The following TAF12 variants were observed in gnomAD, a reference collection of about 807,000 sequenced individuals.
TAF12 encodes the protein TATA-box binding protein associated factor 12, also known as transcription initiation factor TFIID subunit 12.
In TAF12, 3 loss-of-function variants were observed where a neutral mutation model predicts 20.8. That is an observed-to-expected ratio of 0.14 (90% CI 0.07 to 0.37). The LOEUF (loss-of-function observed/expected upper bound fraction) is 0.37. Among genes scored for constraint, TAF12 ranks in the 10% least tolerant of loss-of-function variants. The pLI, the probability that TAF12 is intolerant of heterozygous loss-of-function variation, is 1.00. For missense variants in TAF12, 131 were observed against 197.9 expected, an observed-to-expected ratio of 0.66 and a Z score of 2.03; for synonymous variants, 69 against 70.2, an observed-to-expected ratio of 0.98 and a Z score of 0.09.
chr1:28,640,371 G>C (rs1667991656), intron 1 of TAF12, among the ~76,000 whole-genome samples: 1 of 152,136 alleles, frequency 6.6e-6, no homozygotes, highest in Non-Finnish European at 1.5e-5. Flanking sequence ...TATATGTTTT[G>C]TATAACGATT....
At chr1:28,631,178 T>A (rs567041582) in intron 1 of TAF12, among the ~76,000 whole-genome samples, 177 of 148,052 alleles carry the variant, frequency 1.2e-3, no homozygotes, top group African/African-American at 4.0e-3. Flanking sequence ...GAGGAAAAAA[T>A]TTTTTTTTTC....
intron 1 of TAF12, chr1:28,623,817 A>T: frequency 4.1e-6 from 1 of 244,034 alleles, no homozygotes. Flanking sequence ...CAGAGACCCT[A>T]GTCTGGAGCA....
chr1:28,628,897 A>AC, intron 1 of TAF12, among the ~76,000 whole-genome samples: 1 of 152,052 alleles, frequency 6.6e-6, no homozygotes, highest in African/African-American at 2.4e-5. Flanking sequence ...ACATGGAGAA[A>AC]CCCCCTCTCT....
intron 3 of TAF12, among the ~76,000 whole-genome samples, chr1:28,614,529 C>T (rs1336522320): frequency 6.6e-6 from 1 of 151,224 alleles, no homozygotes; most frequent in Non-Finnish European, 1.5e-5. Flanking sequence ...ACTAAAAATA[C>T]AAAATTAGCT....
intron 1 of TAF12, among the ~76,000 whole-genome samples, chr1:28,640,603 G>A (rs1667999162): frequency 6.6e-6 from 1 of 152,264 alleles, no homozygotes; most frequent in East Asian, 1.9e-4. Flanking sequence ...GCTGTGCCTC[G>A]TTAGTCTGAG....
intron 1 of TAF12, among the ~76,000 whole-genome samples, chr1:28,623,394 G>A (rs1667283814): frequency 6.6e-6 from 1 of 151,904 alleles, no homozygotes; most frequent in South Asian, 2.1e-4. Context: ...GGTGACACAC[G>A]CCTGTAATCC....
intron 1 of TAF12, among the ~76,000 whole-genome samples, chr1:28,635,342 GTCGCCCAGGCTACA>G (rs1557473448): frequency 8.7e-6 from 1 of 114,408 alleles, no homozygotes; most frequent in African/African-American, 3.4e-5. Context: ...ACAGTGCAGT[GTCGCCCAGGCTACA>G]GTGCAGTGGC....
chr1:28,622,341 G>A (rs906029666), intron 1 of TAF12, among the ~76,000 whole-genome samples, 176 bp from the exon 2 acceptor site: 2 of 137,790 alleles, frequency 1.5e-5, no homozygotes, highest in Admixed American at 7.7e-5. Context: ...GCAACATAGC[G>A]AGACCTAGTC....
At chr1:28,627,391 G>GAAAAAA (rs771889346) in intron 1 of TAF12, among the ~76,000 whole-genome samples, 11 of 63,650 alleles carry the variant, frequency 1.7e-4, no homozygotes, top group East Asian at 1.1e-3. Flanking sequence ...CCGTCTCAAA[G>GAAAAAA]AAAAAAAAAA....
intron 3 of TAF12, among the ~76,000 whole-genome samples, chr1:28,615,774 T>C (rs1332822212): frequency 6.7e-6 from 1 of 149,178 alleles, no homozygotes; most frequent in Admixed American, 6.7e-5. Flanking sequence ...TATTGAATGA[T>C]TCCAGAGAAA....
chr1:28,613,140 T>G, intron 4 of TAF12, 107 bp downstream of exon 4: 1 of 769,850 alleles, frequency 1.3e-6, no homozygotes, highest in Non-Finnish European at 2.0e-6. Context: ...TAAATCCCAG[T>G]GCCCAAAAGT....
At position 28,603,331 on chromosome 1, in the gene TAF12, G is replaced by T. The variant is rs185580700; in HGVS notation, c.*208C>A. 2.2e-5 allele frequency: 12 copies of T among 555,724 alleles called. No individual in the cohort carries two copies. The highest frequency in any genetic ancestry group is 1.9e-4 in the African/African-American group (10 of 53,288). The allele number at this position is 555,724 out of a possible 1,614,324, so 34.4% of individuals were successfully genotyped here. A position where few individuals can be genotyped will look rare whatever the true frequency, so the allele number is the denominator to read the frequency against. On this transcript the variant is annotated 3_prime_UTR_variant, in exon 6 of 6. Transcript: ENST00000373824. The stretch of plus-strand genomic sequence containing the variant: ...AAGATACATTGCTCCTCTTTGAGAT[G>T]GCAGGGAAAAGGGACCGGAAGTTGG...
At chr1:28,623,036 C>CAAA (rs530309386) in intron 1 of TAF12, among the ~76,000 whole-genome samples, 1 of 130,928 alleles carries the variant, frequency 7.6e-6, no homozygotes, top group Non-Finnish European at 1.7e-5. Flanking sequence ...CACCGCCCCA[C>CAAA]AAAAAAAAAA....
chr1:28,607,632 A>C (rs1666711830), intron 4 of TAF12, among the ~76,000 whole-genome samples: 1 of 152,064 alleles, frequency 6.6e-6, no homozygotes, highest in Non-Finnish European at 1.5e-5. Context: ...AGACGGCACC[A>C]CTGCACTCTA....
At position 28,622,130 on chromosome 1, in the gene TAF12, T is replaced by C. The variant is rs984140205; in HGVS notation, c.-49A>G. On this transcript the variant is annotated 5_prime_UTR_variant, in exon 2 of 6. Transcript: ENST00000373824. The stretch of plus-strand genomic sequence containing the variant: ...GCTCATAGAGCTTATCGAGATCCTG[T>C]TTCTTTTTGGAGCTGTGAGGACCAA... The C allele has an allele frequency of 2.6e-6, 4 of 1,561,304 alleles. No individual in the cohort carries two copies. In the East Asian group the frequency reaches 9.1e-5, roughly 36 times the overall value.
Position 28,617,487 on chromosome 1 carries a change from C to T in TAF12, c.246+466G>A, listed in dbSNP as rs561400208. On this transcript the variant is annotated intron_variant, in intron 3 of 5. Coordinates refer to ENST00000373824, the MANE Select transcript of TAF12 (RefSeq NM_005644.4). ...TTTTTGAGATGGAGTCTTGCTCTGT[C>T]GCCTAGGCTGGAGTGCAGTGGCATG... Among the ~76,000 whole-genome samples, 11 of 150,002 alleles carry T rather than the reference C, an allele frequency of 7.3e-5. No homozygotes were observed. The South Asian group carries it at 1.1e-3, about 14-fold the overall frequency.
intron 1 of TAF12, among the ~76,000 whole-genome samples, chr1:28,638,516 AG>A (rs1667920687): frequency 7.7e-6 from 1 of 129,304 alleles, no homozygotes; most frequent in Non-Finnish European, 1.6e-5. Context: ...TTTGAGACAG[AG>A]TCTCACTCTG....
At chr1:28,643,988 T>C (rs1158559719), upstream of TAF12, among the ~76,000 whole-genome samples, 2 of 151,242 alleles carry the variant, frequency 1.3e-5, no homozygotes, top group African/African-American at 4.9e-5. Flanking sequence ...GGGGCGGAGG[T>C]TGCAGTGAGC....
intron 1 of TAF12, chr1:28,642,626 A>G (rs1287985389): frequency 4.1e-6 from 4 of 985,006 alleles, no homozygotes; most frequent in Non-Finnish European, 4.8e-6. Context: ...GCCTCTTAGG[A>G]GCCCAAGTCC....
Sources: allele counts gnomAD v4.1 joint callset (sites outside exome capture counted in the v4.1 genomes callset), GRCh38; gene constraint gnomAD v4.1.1; transcripts MANE v1.5; gene names NCBI Gene and HGNC (gene_info 2026-07-23, HGNC 2026-07-21).